ANP32E: variants seen among roughly 807,000 people sequenced by gnomAD.
The protein encoded by ANP32E is acidic leucine-rich nuclear phosphoprotein 32 family member E.
ANP32E carries 14 observed loss-of-function variants against 35.3 expected under a neutral mutation model. That is an observed-to-expected ratio of 0.40 (90% CI 0.26 to 0.62). The LOEUF (loss-of-function observed/expected upper bound fraction) is 0.62. Among genes scored for constraint, ANP32E ranks in the 20% least tolerant of loss-of-function variants. The pLI, the probability that ANP32E is intolerant of heterozygous loss-of-function variation, is 0.45. For synonymous variants in ANP32E, 89 were observed against 110.4 expected (o/e 0.81, Z 1.22); for missense variants, 198 against 304.4 (o/e 0.65, Z 2.60).
At position 150,220,336 on chromosome 1, in the gene ANP32E, A is replaced by C. The variant is rs1170501841; in HGVS notation, c.*355T>G. 1 of 158,476 alleles carries C rather than the reference A, an allele frequency of 6.3e-6. No individual in the cohort carries two copies. The highest frequency in any genetic ancestry group is 1.4e-5 in the Non-Finnish European group (1 of 72,108). 9.8% of individuals were successfully genotyped at this position (158,476 alleles called of 1,614,324 possible). A position where few individuals can be genotyped will look rare whatever the true frequency, so the allele number is the denominator to read the frequency against. On this transcript the variant is annotated 3_prime_UTR_variant, in exon 7 of 7. Coordinates refer to ENST00000583931, the MANE Select transcript of ANP32E (RefSeq NM_030920.5). ...ATTATAGCAAACTGTAATTTCAGTT[A>C]ATTTATAAATAAGGAATGAAATGCA...
At chr1:150,233,800 A>C (rs1649558882) in intron 1 of ANP32E, among the ~76,000 whole-genome samples, 1 of 152,070 alleles carries the variant, frequency 6.6e-6, no homozygotes, top group South Asian at 2.1e-4. Context: ...TCCGTTTTGG[A>C]GAAGAGGAAA....
rs782663428 is a variant in ANP32E, at chr1:150,226,688, C to T, written c.601G>A (p.Asp201Asn). The T allele has an allele frequency of 5.6e-6, 9 of 1,598,546 alleles. No homozygotes were observed. Among genetic ancestry groups the T allele is most frequent in the Non-Finnish European group, 6.8e-6 (8 of 1,168,712 alleles). ...EEEEDEDEDE[D>N]EDEAGSELGE... The stretch of plus-strand genomic sequence containing the variant: ...AACTCTGAACCTGCTTCATCTTCAT[C>T]TTCATCCTCATCCTCATCCTCCTCT... The change falls in exon 5 of 7, where the codon GAT becomes AAT. Residue 201 changes from aspartate to asparagine, a missense_variant. Physicochemically the swap from Asp to Asn is conservative, Grantham distance 23. Around this residue, in one of 4 missense-constraint regions of ANP32E, gnomAD observed 121 missense variants for 137.3 expected, o/e 0.88. Coordinates refer to ENST00000583931, the MANE Select transcript of ANP32E (RefSeq NM_030920.5).
At chr1:150,230,838 T>C in intron 2 of ANP32E, 145 bp from the exon 3 acceptor site, 1 of 592,868 alleles carries the variant, frequency 1.7e-6, no homozygotes, top group Non-Finnish European at 2.7e-6. Flanking sequence ...GCCTCCTGGG[T>C]TCAAGCAAAT....
chr1:150,225,328 T>C (rs1648776486), intron 5 of ANP32E, among the ~76,000 whole-genome samples: 1 of 151,560 alleles, frequency 6.6e-6, no homozygotes, highest in African/African-American at 2.4e-5. Flanking sequence ...AAAGGTAAAA[T>C]AGTTTGGTGT....
chr1:150,231,399 A>G (rs1186720703), intron 2 of ANP32E, among the ~76,000 whole-genome samples: 1 of 152,156 alleles, frequency 6.6e-6, no homozygotes, highest in African/African-American at 2.4e-5. Context: ...ATTTGAAACC[A>G]GTCTGGACAA....
At chr1:150,234,040 A>C (rs1230641889) in intron 1 of ANP32E, among the ~76,000 whole-genome samples, 1 of 152,188 alleles carries the variant, frequency 6.6e-6, no homozygotes, top group Non-Finnish European at 1.5e-5. Flanking sequence ...CGTAAGGAGG[A>C]AAGTAAATAA....
intron 4 of ANP32E, among the ~76,000 whole-genome samples, chr1:150,228,320 A>T (rs782050982): frequency 3.9e-5 from 6 of 152,280 alleles, no homozygotes; most frequent in Admixed American, 2.0e-4. Context: ...AGGTTCATTC[A>T]TGTGGCATGT....
At chr1:150,222,304 A>G (rs1295414835) in intron 6 of ANP32E, among the ~76,000 whole-genome samples, 1 of 151,358 alleles carries the variant, frequency 6.6e-6, no homozygotes, top group Non-Finnish European at 1.5e-5. Flanking sequence ...CTATAGTCCC[A>G]GCTACTCGGG....
At chr1:150,224,088 T>A (rs906991373) in intron 5 of ANP32E, among the ~76,000 whole-genome samples, 6 of 151,856 alleles carry the variant, frequency 4.0e-5, no homozygotes, top group Non-Finnish European at 7.4e-5. Context: ...ATACAATCAG[T>A]TGAAATAAAG....
intron 1 of ANP32E, among the ~76,000 whole-genome samples, chr1:150,232,887 A>G (rs1649475995): frequency 6.6e-6 from 1 of 152,202 alleles, no homozygotes; most frequent in South Asian, 2.1e-4. Flanking sequence ...CCTGATAAGG[A>G]GGACCCTCAA....
chr1:150,231,780 T>C lies in ANP32E; in HGVS notation c.201A>G (p.Arg67=). ...LARLPSLNKL[R]KLELSDNIIS... ...CTTCACGTAAATGCCAACTTACTTT[T>C]CGAAGTTTATTTAAGCTGGGAAGCC... The change falls in exon 2 of 7, where the codon CGA becomes CGG. Residue 67 remains arginine, a synonymous_variant. Transcript: ENST00000583931. 1 of 1,604,452 alleles carries C rather than the reference T, an allele frequency of 6.2e-7. No individual in the cohort carries two copies. The highest frequency in any genetic ancestry group is 1.3e-5 in the African/African-American group (1 of 74,230).
intron 1 of ANP32E, among the ~76,000 whole-genome samples, chr1:150,233,360 C>A (rs1288564678): frequency 6.6e-6 from 1 of 150,610 alleles, no homozygotes; most frequent in Non-Finnish European, 1.5e-5. Context: ...ATAAAACCAT[C>A]ATAACTCAAA....
At chr1:150,226,007 GTTT>G (rs34846816) in intron 5 of ANP32E, among the ~76,000 whole-genome samples, 1 of 138,356 alleles carries the variant, frequency 7.2e-6, no homozygotes, top group Non-Finnish European at 1.5e-5. Flanking sequence ...GATATAACCT[GTTT>G]TTTTTTTTTT....
At chr1:150,234,527 C>T in intron 1 of ANP32E, 2 of 934,274 alleles carry the variant, frequency 2.1e-6, no homozygotes, top group Non-Finnish European at 1.3e-6. Context: ...GACACCACCC[C>T]AGTTATATCC....
At position 150,228,950 on chromosome 1, in the gene ANP32E, T is replaced by C. The variant is rs958024298; in HGVS notation, c.493+122A>G. The C allele has an allele frequency of 2.6e-5, 21 of 801,544 alleles. 1 individual carries two copies. Among genetic ancestry groups the C allele is most frequent in the Middle Eastern group, 4.6e-4 (2 of 4,316 alleles). The allele number at this position is 801,544 out of a possible 1,614,324, so 49.7% of individuals were successfully genotyped here. On this transcript the variant is annotated intron_variant, in intron 4 of 6. Coordinates refer to ENST00000583931, the MANE Select transcript of ANP32E (RefSeq NM_030920.5). ...GCTATGGGTTTTTAATTTTTTCTTG[T>C]CTTACTAATATCTTGTTGTGGATTT...
chr1:150,233,472 G>A (rs997686632), intron 1 of ANP32E, among the ~76,000 whole-genome samples: 19 of 152,052 alleles, frequency 1.2e-4, no homozygotes, highest in African/African-American at 4.3e-4. Context: ...GTATCACCCA[G>A]AACAATACAT....
intron 2 of ANP32E, 106 bp from the exon 3 acceptor site, chr1:150,230,799 T>C (rs915045642): frequency 2.4e-4 from 252 of 1,050,276 alleles, no homozygotes; most frequent in Non-Finnish European, 3.0e-4. Context: ...TGGAGTGCAG[T>C]GGTGCGATCT....
At chr1:150,222,444 TA>T (rs1648503420) in intron 6 of ANP32E, among the ~76,000 whole-genome samples, 1 of 99,326 alleles carries the variant, frequency 1.0e-5, no homozygotes, top group Non-Finnish European at 2.0e-5. Flanking sequence ...ATAAATAAAA[TA>T]AAATAAAATA....
Position 150,231,761 on chromosome 1 carries a change from G to A in ANP32E, c.204+16C>T, listed in dbSNP as rs782249502. ...TGGCATTGAAATCATGATGCTTCAC[G>A]TAAATGCCAACTTACTTTTCGAAGT... On this transcript the variant is annotated intron_variant, in intron 2 of 6. Transcript: ENST00000583931. 20 of 1,601,744 alleles carry A rather than the reference G, an allele frequency of 1.2e-5. No individual in the cohort carries two copies. The highest frequency in any genetic ancestry group is 5.6e-5 in the South Asian group (5 of 88,860).
Sources: allele counts gnomAD v4.1 joint callset (sites outside exome capture counted in the v4.1 genomes callset), GRCh38; gene constraint gnomAD v4.1.1; regional missense constraint gnomAD v4.1.1; transcripts MANE v1.5; gene names NCBI Gene and HGNC (gene_info 2026-07-23, HGNC 2026-07-21).